The following TENM2 variants were observed in gnomAD, a reference collection of about 807,000 sequenced individuals.
TENM2 encodes the protein teneurin transmembrane protein 2, also known as teneurin-2.
A neutral mutation model predicts 245.2 loss-of-function variants in TENM2; 52 were observed. The observed-to-expected ratio is 0.21, with a 90% CI of 0.17 to 0.27. The LOEUF is 0.27. TENM2 is among the 10% of genes least tolerant of loss of function. The pLI, the probability that TENM2 is intolerant of heterozygous loss-of-function variation, is 1.00. For missense variants in TENM2, 3,046 were observed against 3,666.8 expected, an observed-to-expected ratio of 0.83 and a Z score of 4.37; for synonymous variants, 1,363 against 1,438.9, an observed-to-expected ratio of 0.95 and a Z score of 1.19.
intron 2 of TENM2, among the ~76,000 whole-genome samples, chr5:167,553,301 C>G (rs1371201047): frequency 6.6e-6 from 1 of 152,164 alleles, no homozygotes; most frequent in Non-Finnish European, 1.5e-5. Context: ...GTGTCAGGAA[C>G]AGAGGGCTGG....
chr5:167,483,626 A>T (rs1193853549), intron 2 of TENM2, among the ~76,000 whole-genome samples: 1 of 152,172 alleles, frequency 6.6e-6, no homozygotes, highest in African/African-American at 2.4e-5. Context: ...TTCTGTGTGT[A>T]CTTCTGTTAT....
At chr5:167,434,692 A>G (rs1764439932) in intron 2 of TENM2, among the ~76,000 whole-genome samples, 2 of 152,140 alleles carry the variant, frequency 1.3e-5, no homozygotes, top group South Asian at 2.1e-4. Context: ...TGGATTTAGT[A>G]TAATGAAAAC....
chr5:167,549,426 A>G (rs759544574), intron 2 of TENM2, among the ~76,000 whole-genome samples: 7 of 152,240 alleles, frequency 4.6e-5, no homozygotes, highest in Non-Finnish European at 1.0e-4. Context: ...CAAAACTAAC[A>G]TGATATCAGC....
At chr5:168,158,850 T>TATATATATATATAC (rs1339051385) in intron 12 of TENM2, among the ~76,000 whole-genome samples, 132 of 62,174 alleles carry the variant, frequency 2.1e-3, no homozygotes, top group Non-Finnish European at 3.1e-3. Flanking sequence ...TATATATATA[T>TATATATATATATAC]ACACACACAC....
chr5:168,252,265 C>G (rs1767182304), intron 27 of TENM2, among the ~76,000 whole-genome samples: 1 of 151,202 alleles, frequency 6.6e-6, no homozygotes, highest in Non-Finnish European at 1.5e-5. Context: ...GTGGTCCCAG[C>G]TGCTTGGGAG....
chr5:168,253,170 T>C (rs927410131), intron 27 of TENM2, among the ~76,000 whole-genome samples: 3 of 152,068 alleles, frequency 2.0e-5, no homozygotes, highest in Non-Finnish European at 4.4e-5. Flanking sequence ...GGTTTCACTG[T>C]GTTAGCCAGG....
At chr5:167,474,862 T>C (rs1178490279) in intron 2 of TENM2, among the ~76,000 whole-genome samples, 1 of 152,216 alleles carries the variant, frequency 6.6e-6, no homozygotes, top group Non-Finnish European at 1.5e-5. Flanking sequence ...ATTTGAAAGA[T>C]GTATAAATCC....
chr5:167,917,358 G>A (rs1198064857), intron 3 of TENM2, among the ~76,000 whole-genome samples: 1 of 152,196 alleles, frequency 6.6e-6, no homozygotes, highest in Non-Finnish European at 1.5e-5. Context: ...GGAGTCTCGG[G>A]GGGTTGTAGG....
intron 27 of TENM2, among the ~76,000 whole-genome samples, chr5:168,256,021 G>A (rs879873589): frequency 2.0e-5 from 3 of 151,676 alleles, no homozygotes; most frequent in Non-Finnish European, 2.9e-5. Flanking sequence ...GGTCAGGCTG[G>A]TCTCGAACTC....
At chr5:167,337,148 A>G (rs1478649291) in intron 1 of TENM2, among the ~76,000 whole-genome samples, 1 of 151,044 alleles carries the variant, frequency 6.6e-6, no homozygotes, top group South Asian at 2.1e-4. Context: ...AAAAAAAAAA[A>G]AAAAATCAAA....
chr5:167,468,271 G>C (rs980009368), intron 2 of TENM2, among the ~76,000 whole-genome samples: 2 of 152,122 alleles, frequency 1.3e-5, no homozygotes, highest in Non-Finnish European at 2.9e-5. Flanking sequence ...TGGAAGGATG[G>C]CCCATGATGA....
chr5:167,039,458 G>T, the TENM2 span, among the ~76,000 whole-genome samples: 2 of 152,174 alleles, frequency 1.3e-5, no homozygotes, highest in African/African-American at 4.8e-5. Context: ...TATTAGCATT[G>T]TAATTTGCAG....
At chr5:167,419,308 A>G (rs905908327) in intron 2 of TENM2, among the ~76,000 whole-genome samples, 1 of 152,026 alleles carries the variant, frequency 6.6e-6, no homozygotes, top group Non-Finnish European at 1.5e-5. Flanking sequence ...CTAAAAATAC[A>G]AAAATTAGAT....
At chr5:167,270,763 G>A in the TENM2 span, among the ~76,000 whole-genome samples, 188 of 152,234 alleles carry the variant, frequency 1.2e-3, 2 homozygotes, top group African/African-American at 2.8e-3. Flanking sequence ...TTTCTCTGTC[G>A]TTTCTCTTTG....
exon 1 of TENM2, chr5:167,284,829 T>G: frequency 6.5e-7 from 1 of 1,547,262 alleles, no homozygotes; most frequent in Non-Finnish European, 8.7e-7. Flanking sequence ...TTCTGCCATA[T>G]CTGGAATAAT....
chr5:167,558,754 TA>T (rs1389341826), intron 2 of TENM2, among the ~76,000 whole-genome samples: 2 of 151,940 alleles, frequency 1.3e-5, no homozygotes, highest in African/African-American at 4.8e-5. Flanking sequence ...AAGTGTACAA[TA>T]AATGTAATGT....
chr5:168,092,696 T>G (rs1442580861), intron 8 of TENM2, among the ~76,000 whole-genome samples: 2 of 152,192 alleles, frequency 1.3e-5, no homozygotes, highest in Non-Finnish European at 2.9e-5. Flanking sequence ...GCTTGAGATG[T>G]TGAGATTTTT....
chr5:167,372,505 A>G (rs1760499725), intron 1 of TENM2, among the ~76,000 whole-genome samples: 1 of 152,230 alleles, frequency 6.6e-6, no homozygotes, highest in African/African-American at 2.4e-5. Context: ...CTGTCCTCAT[A>G]CAACTTTTCC....
chr5:168,031,539 CT>C (rs1466215139), intron 5 of TENM2, among the ~76,000 whole-genome samples: 2 of 152,062 alleles, frequency 1.3e-5, no homozygotes, highest in Non-Finnish European at 2.9e-5. Context: ...GGCAACCCCC[CT>C]GGGAGGTAGG....
Sources: gnomAD v4.1 joint callset for allele counts (sites outside exome capture counted in the v4.1 genomes callset) on GRCh38, gnomAD v4.1.1 for gene constraint, MANE v1.5 for transcripts, NCBI Gene and HGNC (gene_info 2026-07-23, HGNC 2026-07-21) for gene names.